The following PROS1 variants were observed in gnomAD, a reference collection of about 807,000 sequenced individuals.
PROS1 encodes the protein protein S.
Under a neutral mutation model 75.9 loss-of-function variants are expected in PROS1, and 29 were observed. The ratio of observed to expected loss-of-function variants is 0.38; its 90% CI spans 0.28 to 0.52. The LOEUF is 0.52. PROS1 is among the 20% of genes least tolerant of loss of function. The pLI is 0.83. For synonymous variants in PROS1, 245 were observed against 280.6 expected (o/e 0.87, Z 1.27); for missense variants, 680 against 810.3 (o/e 0.84, Z 1.95).
At chr3:93,922,911 A>T (rs1228455086) in intron 3 of PROS1, among the ~76,000 whole-genome samples, 1 of 152,252 alleles carries the variant, frequency 6.6e-6, no homozygotes, top group Admixed American at 6.5e-5. Flanking sequence ...ATTAAACAAG[A>T]ATACATCTGA....
chr3:93,906,651 A>G (rs1708680252), intron 4 of PROS1, among the ~76,000 whole-genome samples: 2 of 152,190 alleles, frequency 1.3e-5, no homozygotes, highest in Admixed American at 6.5e-5. Flanking sequence ...AACTGGTGGG[A>G]CAAGAGTCCC....
chr3:93,951,302 C>T (rs1709491230), intron 1 of PROS1, among the ~76,000 whole-genome samples: 1 of 151,994 alleles, frequency 6.6e-6, no homozygotes, highest in African/African-American at 2.4e-5. Context: ...GTCAGATTCA[C>T]CAAAGTTGAA....
At chr3:93,945,824 G>T (rs1359158624) in intron 1 of PROS1, among the ~76,000 whole-genome samples, 1 of 152,182 alleles carries the variant, frequency 6.6e-6, no homozygotes, top group African/African-American at 2.4e-5. Flanking sequence ...TTGGGCAGGA[G>T]AAGGAAATAA....
chr3:93,874,559 G>A (rs750276486), intron 14 of PROS1, among the ~76,000 whole-genome samples, 154 bp from the exon 15 acceptor site: 24 of 152,126 alleles, frequency 1.6e-4, no homozygotes, highest in Non-Finnish European at 1.5e-4. Flanking sequence ...TACATGTTAA[G>A]TGACGCCGAT....
At chr3:93,960,528 T>C (rs1389999303) in intron 1 of PROS1, among the ~76,000 whole-genome samples, 1 of 146,052 alleles carries the variant, frequency 6.8e-6, no homozygotes. Flanking sequence ...CCACCTCCAT[T>C]GCTCTTTTTT....
At chr3:93,886,757 G>C (rs536510976) in intron 10 of PROS1, among the ~76,000 whole-genome samples, 1 of 152,188 alleles carries the variant, frequency 6.6e-6, no homozygotes, top group African/African-American at 2.4e-5. Flanking sequence ...ATACTATTCT[G>C]TTAAGCTTAA....
At chr3:93,918,366 G>A (rs1172306340) in intron 3 of PROS1, among the ~76,000 whole-genome samples, 1 of 152,040 alleles carries the variant, frequency 6.6e-6, no homozygotes, top group Non-Finnish European at 1.5e-5. Flanking sequence ...GCCAGCAGTG[G>A]CAACCCACTG....
chr3:93,946,459 T>C (rs887325474), intron 1 of PROS1, among the ~76,000 whole-genome samples: 3 of 152,020 alleles, frequency 2.0e-5, no homozygotes, highest in Non-Finnish European at 4.4e-5. Flanking sequence ...AAAACAGAGA[T>C]ATAGACCAAT....
chr3:93,904,425 G>T (rs544988581), intron 6 of PROS1, among the ~76,000 whole-genome samples: 2 of 152,104 alleles, frequency 1.3e-5, no homozygotes, highest in Non-Finnish European at 2.9e-5. Context: ...AGAAGAATTT[G>T]TTGTTAATGT....
intron 6 of PROS1, among the ~76,000 whole-genome samples, chr3:93,901,604 T>C (rs1708594230): frequency 6.6e-6 from 1 of 152,220 alleles, no homozygotes. Flanking sequence ...TGAACTATTC[T>C]GTGTACTCTC....
chr3:93,966,936 A>G (rs898805469), intron 1 of PROS1, among the ~76,000 whole-genome samples: 5 of 152,200 alleles, frequency 3.3e-5, no homozygotes, highest in African/African-American at 1.2e-4. Context: ...ATAAAACCAA[A>G]TGTTGACATG....
chr3:93,927,437 A>C (rs1709036335), intron 1 of PROS1, 30 bp from the exon 2 acceptor site: 2 of 1,605,958 alleles, frequency 1.2e-6, no homozygotes. Flanking sequence ...TATATGAATT[A>C]ATCATTTTTC....
At chr3:93,960,494 C>G (rs1709689510) in intron 1 of PROS1, among the ~76,000 whole-genome samples, 1 of 143,130 alleles carries the variant, frequency 7.0e-6, no homozygotes. Flanking sequence ...CACTTTTAAG[C>G]TGAGGCAGTT....
intron 1 of PROS1, among the ~76,000 whole-genome samples, chr3:93,935,949 C>A (rs1709175819): frequency 6.9e-6 from 1 of 144,532 alleles, no homozygotes; most frequent in Non-Finnish European, 1.5e-5. Flanking sequence ...AAACTCAAGT[C>A]CACATTAAAA....
At chr3:93,900,229 T>C (rs962842756) in intron 7 of PROS1, among the ~76,000 whole-genome samples, 1 of 152,150 alleles carries the variant, frequency 6.6e-6, no homozygotes, top group Admixed American at 6.5e-5. Context: ...CTTTAAGGGG[T>C]TGCCCCAAAC....
At chr3:93,927,192 T>C in intron 2 of PROS1, 58 bp downstream of exon 2, 1 of 1,600,440 alleles carries the variant, frequency 6.2e-7, no homozygotes, top group Non-Finnish European at 8.5e-7. Flanking sequence ...GCTGGAAATG[T>C]TCAGTCTGTA....
intron 13 of PROS1, 26 bp from the exon 14 acceptor site, chr3:93,877,217 A>G (rs779271053): frequency 6.5e-7 from 1 of 1,530,920 alleles, no homozygotes; most frequent in South Asian, 1.1e-5. Flanking sequence ...AAGATTCAAT[A>G]TAAGCAAGGA....
intron 1 of PROS1, among the ~76,000 whole-genome samples, chr3:93,948,697 T>A (rs902036990): frequency 6.6e-6 from 1 of 152,216 alleles, no homozygotes; most frequent in Non-Finnish European, 1.5e-5. Flanking sequence ...ACTTTTTAAG[T>A]CTAAAGATTA....
chr3:93,911,668 A>T (rs527967122), intron 3 of PROS1, among the ~76,000 whole-genome samples: 1 of 152,314 alleles, frequency 6.6e-6, no homozygotes, highest in East Asian at 1.9e-4. Context: ...TCCATATGAT[A>T]GATCATGCTT....
Sources: allele counts gnomAD v4.1 joint callset (sites outside exome capture counted in the v4.1 genomes callset), GRCh38; gene constraint gnomAD v4.1.1; transcripts MANE v1.5; gene names NCBI Gene and HGNC (gene_info 2026-07-23, HGNC 2026-07-21).